Variants in ILDR2 observed in about 807,000 individuals in gnomAD.
ILDR2 encodes immunoglobulin like domain containing receptor 2, also known as immunoglobulin-like domain-containing receptor 2.
Under a neutral mutation model 66.8 loss-of-function variants are expected in ILDR2, and 25 were observed. That is an observed-to-expected ratio of 0.37 (90% CI 0.27 to 0.52). The LOEUF is 0.52. ILDR2 is among the 20% of genes least tolerant of loss of function. The pLI, the probability that ILDR2 is intolerant of heterozygous loss-of-function variation, is 0.88. For missense variants in ILDR2, 827 were observed against 876.8 expected (o/e 0.94, Z 0.72); for synonymous variants, 367 against 357.2 (o/e 1.03, Z -0.31).
At chr1:166,958,978 C>CTCCTCA (rs1662448531) in intron 1 of ILDR2, among the ~76,000 whole-genome samples, 3 of 152,090 alleles carry the variant, frequency 2.0e-5, no homozygotes, top group African/African-American at 7.2e-5. Flanking sequence ...TTCCTCTTAC[C>CTCCTCA]GCCTCAGCCT....
rs983213829 is a variant in ILDR2 at position 166,900,546 on chromosome 1, C to A, written n.172-4445G>T. The stretch of plus-strand genomic sequence containing the variant: ...AATATTCTCTAATATTAATTTCTTT[C>A]TATGAAGCAGATAGGGTTGTTATCC... On this transcript the variant is annotated intron_variant and non_coding_transcript_variant, in intron 2 of 2. Coordinates refer to the ILDR2 transcript ENST00000414590. 3.9e-5 allele frequency among the ~76,000 whole-genome samples: 6 copies of A among 152,304 alleles called. No individual in the cohort carries two copies. The South Asian group carries it at 6.2e-4, about 16-fold the overall frequency.
intron 2 of ILDR2, among the ~76,000 whole-genome samples, chr1:166,900,128 T>A (rs888194414): frequency 6.6e-6 from 1 of 152,170 alleles, no homozygotes; most frequent in Non-Finnish European, 1.5e-5. Flanking sequence ...TTCTCTCTAT[T>A]GCTACCCTTT....
Position 166,899,514 on chromosome 1 carries a change from T to C in ILDR2, n.172-3413A>G, listed in dbSNP as rs768737434. Among the ~76,000 whole-genome samples, 120 of 152,244 alleles carry C rather than the reference T, an allele frequency of 7.9e-4. 1 individual carries two copies. The highest frequency in any genetic ancestry group is 1.4e-3 in the Non-Finnish European group (93 of 68,042). ...ACCAAATTCTTTGGTTATGTGATTG[T>C]GTAAGCTGTAATTGAGTGTAATCTA... On this transcript the variant is annotated intron_variant and non_coding_transcript_variant, in intron 2 of 2. Transcript: ENST00000414590.
chr1:166,919,764 T>C (rs1165290532), intron 9 of ILDR2, among the ~76,000 whole-genome samples: 4 of 152,262 alleles, frequency 2.6e-5, no homozygotes, highest in Non-Finnish European at 5.9e-5. Flanking sequence ...TAAAATACAC[T>C]GAATTCCTTT....
In ILDR2 at chr1:166,909,475, G is replaced by C. The variant is rs1356935631; in HGVS notation, c.*9880C>G. The C allele has an allele frequency of 6.6e-6, 1 of 151,628 alleles. No individual in the cohort carries two copies. Among genetic ancestry groups the C allele is most frequent in the Non-Finnish European group, 1.5e-5 (1 of 67,982 alleles). The allele number at this position is 151,628 out of a possible 1,614,324, so 9.4% of individuals were successfully genotyped here. A position where few individuals can be genotyped will look rare whatever the true frequency, so the allele number is the denominator to read the frequency against. ...CCTTTTCTTGTTCTTAAGCTAGTCT[G>C]AGCTATCTTCCTGTCATTTGCAACC... On this transcript the variant is annotated 3_prime_UTR_variant, in exon 10 of 10. Coordinates refer to ENST00000271417, the MANE Select transcript of ILDR2 (RefSeq NM_199351.3).
Position 166,975,225 on chromosome 1 carries a change from G to C in ILDR2, c.44C>G (p.Thr15Arg), listed in dbSNP as rs1214553036. 4 of 1,611,664 alleles carry C rather than the reference G, an allele frequency of 2.5e-6. No homozygotes were observed. The highest frequency in any genetic ancestry group is 3.4e-6 in the Non-Finnish European group (4 of 1,178,074). The change falls in exon 1 of 10, where the codon ACA (threonine) becomes AGA (arginine). Residue 15 changes from threonine (T) to arginine (R), a missense_variant and splice_region_variant. This residue lies in a region of ILDR2 where 437 missense variants were observed against 523.2 expected (regional missense o/e 0.84). Transcript: ENST00000271417. ...TTTCTGTTGAAAAGGACTCTTACCT[G>C]TTAGCCAGAAGAGAGAAATCCACCT... Reference protein sequence around the residue: ...LLRWISLFWLTAMVEGLQVTV... With the variant: ...LLRWISLFWLRAMVEGLQVTV...
At position 166,919,310 on chromosome 1, in the gene ILDR2, T is replaced by C; in HGVS notation, c.*45A>G. ...TTCTTAGATTTGTGTCTTGTCCCCG[T>C]AGTCCATGTCTGATTTCTCATTATC... On this transcript the variant is annotated 3_prime_UTR_variant, in exon 10 of 10. Transcript: ENST00000271417. 6.4e-7 allele frequency: 1 copy of C among 1,569,148 alleles called. No individual in the cohort carries two copies.
rs1441649149 is a variant in ILDR2, at chr1:166,910,525, G to A, written c.*8830C>T. 3 of 152,174 alleles carry A rather than the reference G, an allele frequency of 2.0e-5. No individual in the cohort carries two copies. The highest frequency in any genetic ancestry group is 1.9e-4 in the East Asian group (1 of 5,186). The allele number at this position is 152,174 out of a possible 1,614,324, so 9.4% of individuals were successfully genotyped here. A position where few individuals can be genotyped will look rare whatever the true frequency, so the allele number is the denominator to read the frequency against. On this transcript the variant is annotated 3_prime_UTR_variant, in exon 10 of 10. Coordinates refer to ENST00000271417, the MANE Select transcript of ILDR2 (RefSeq NM_199351.3). Reference sequence around the variant, plus strand: ...GGCACACCTCCATCCAATACTGGAAGGTTAGCAATAGAGTCACTCTCTTGG... The same window carrying A: ...GGCACACCTCCATCCAATACTGGAAAGTTAGCAATAGAGTCACTCTCTTGG...
At chr1:166,924,211 T>G (rs1474367881) in intron 7 of ILDR2, among the ~76,000 whole-genome samples, 1 of 152,232 alleles carries the variant, frequency 6.6e-6, no homozygotes, top group East Asian at 1.9e-4. Context: ...GGACTATGCC[T>G]ATTTTAAGGA....
At chr1:166,919,411 C>T in intron 9 of ILDR2, 21 bp from the exon 10 acceptor site, 2 of 1,598,570 alleles carry the variant, frequency 1.3e-6, no homozygotes, top group Non-Finnish European at 1.7e-6. Flanking sequence ...GCAGAAAGAG[C>T]CCAACATTAA....
intron 2 of ILDR2, among the ~76,000 whole-genome samples, chr1:166,898,972 A>C (rs1057221186): frequency 6.6e-6 from 1 of 151,932 alleles, no homozygotes; most frequent in Non-Finnish European, 1.5e-5. Context: ...AGGTGGGAGA[A>C]TCCCTTGAGC....
At chr1:166,946,014 C>A (rs186141085) in intron 3 of ILDR2, among the ~76,000 whole-genome samples, 2 of 152,342 alleles carry the variant, frequency 1.3e-5, no homozygotes, top group African/African-American at 4.8e-5. Context: ...ACTGTATCCA[C>A]CCCCTGTTCT....
rs1245104529 is a variant in ILDR2 at position 166,909,967 on chromosome 1, A to G, written c.*9388T>C. 6.6e-6 allele frequency: 1 copy of G among 151,646 alleles called. No individual in the cohort carries two copies. The highest frequency in any genetic ancestry group is 1.5e-5 in the Non-Finnish European group (1 of 67,942). The allele number at this position is 151,646 out of a possible 1,614,324, so 9.4% of individuals were successfully genotyped here. A position where few individuals can be genotyped will look rare whatever the true frequency, so the allele number is the denominator to read the frequency against. ...TTAAAAAAAAGTAAAGTGTTTTAAC[A>G]TGTCTGGAATTTTCTCCTCTGCTTG... is the stretch of plus-strand genomic sequence containing the variant. On this transcript the variant is annotated 3_prime_UTR_variant, in exon 10 of 10. Coordinates refer to ENST00000271417, the MANE Select transcript of ILDR2 (RefSeq NM_199351.3).
At chr1:166,945,820 T>C (rs1288557427) in intron 3 of ILDR2, among the ~76,000 whole-genome samples, 1 of 152,232 alleles carries the variant, frequency 6.6e-6, no homozygotes, top group African/African-American at 2.4e-5. Flanking sequence ...ACTTATTAAG[T>C]TGGAGTCCTT....
rs1445276494 is a variant in ILDR2, at chr1:166,956,720, T to G, written c.499+13A>C. On this transcript the variant is annotated intron_variant, in intron 3 of 9. Transcript: ENST00000271417. ...GGTCTAAGATGAAAATGTCACCTGT[T>G]GTTTTCACTTACCCAACACCAGCAG... 1.2e-6 allele frequency: 2 copies of G among 1,612,958 alleles called. No homozygotes were observed. Among genetic ancestry groups the G allele is most frequent in the African/African-American group, 2.7e-5 (2 of 74,878 alleles).
In ILDR2 at chr1:166,910,825, T is replaced by A. The variant is rs1042459972; in HGVS notation, c.*8530A>T. On this transcript the variant is annotated 3_prime_UTR_variant, in exon 10 of 10. Coordinates refer to ENST00000271417, the MANE Select transcript of ILDR2 (RefSeq NM_199351.3). ...AAAGCATATAAAAATTGGATTAGAA[T>A]TAGATAATCATAGGGAAAAATGAAT... 10 of 152,260 alleles carry A rather than the reference T, an allele frequency of 6.6e-5. No individual in the cohort carries two copies. Among genetic ancestry groups the A allele is most frequent in the Admixed American group, 6.5e-4 (10 of 15,284 alleles). The allele number at this position is 152,260 out of a possible 1,614,324, so 9.4% of individuals were successfully genotyped here.
Position 166,921,192 on chromosome 1 carries a change from C to T in ILDR2, c.1399G>A (p.Gly467Ser). ...TCCAAGGAGTCGTCCTGGTAGAAGC[C>T]GCTGTGCGCCCGCGACTCCGAGCGC... ...FERSESRAHS[G>S]FYQDDSLEEY... Residue 467 changes from glycine (G) to serine (S), a missense_variant, in exon 9 of 10, where the codon GGC (glycine) becomes AGC (serine). This residue lies in a region of ILDR2 where 390 missense variants were observed against 353.6 expected (regional missense o/e 1.10). Transcript: ENST00000271417. This position sits in a 1 kb window ranked among gnomAD's most constrained non-coding sequence, Gnocchi z 5.3. The T allele has an allele frequency of 6.4e-7, 1 of 1,574,316 alleles. No individual in the cohort carries two copies. The highest frequency in any genetic ancestry group is 8.6e-7 in the Non-Finnish European group (1 of 1,167,446).
chr1:166,950,416 G>A (rs1661903498), intron 3 of ILDR2, among the ~76,000 whole-genome samples: 3 of 152,292 alleles, frequency 2.0e-5, no homozygotes, highest in East Asian at 1.9e-4. Flanking sequence ...AGGAGAAGGA[G>A]AGAGGGGAAA....
intron 3 of ILDR2, among the ~76,000 whole-genome samples, chr1:166,951,816 G>C (rs1661999553): frequency 6.6e-6 from 1 of 152,090 alleles, no homozygotes; most frequent in Admixed American, 6.5e-5. Context: ...GTTCATCAGA[G>C]GAGTTTCTTA....
Sources: allele counts gnomAD v4.1 joint callset (sites outside exome capture counted in the v4.1 genomes callset), GRCh38; gene constraint gnomAD v4.1.1; regional missense constraint gnomAD v4.1.1; non-coding constraint Gnocchi (gnomAD v3.1); transcripts MANE v1.5; gene names NCBI Gene and HGNC (gene_info 2026-07-23, HGNC 2026-07-21).